Variants in NDST4 observed in about 807,000 individuals in gnomAD.
NDST4 encodes N-deacetylase and N-sulfotransferase 4, also known as N-heparan sulfate sulfotransferase 4.
A neutral mutation model predicts 100.8 loss-of-function variants in NDST4; 63 were observed. That is an observed-to-expected ratio of 0.62 (90% CI 0.51 to 0.77). The LOEUF is 0.77. NDST4 is among the 30% of genes least tolerant of loss of function. The probability of loss-of-function intolerance (pLI) is 0.00; values close to 1 mark genes in which losing one functional copy is unlikely to be tolerated. For synonymous variants in NDST4, 377 were observed against 361.8 expected, an observed-to-expected ratio of 1.04 and a Z score of -0.48; for missense variants, 943 against 1,018.4, an observed-to-expected ratio of 0.93 and a Z score of 1.01.
chr4:114,917,952 AAG>A (rs967529900), intron 6 of NDST4, among the ~76,000 whole-genome samples: 6 of 152,210 alleles, frequency 3.9e-5, no homozygotes, highest in Non-Finnish European at 7.3e-5. Context: ...TCAGAACAAA[AAG>A]AGATTTATTA....
At chr4:114,948,632 G>T (rs1217520952) in intron 4 of NDST4, among the ~76,000 whole-genome samples, 1 of 151,974 alleles carries the variant, frequency 6.6e-6, no homozygotes, top group Non-Finnish European at 1.5e-5. Context: ...CATCAATACA[G>T]TTCTCATCCC....
At chr4:114,941,186 G>C (rs114239532) in intron 4 of NDST4, among the ~76,000 whole-genome samples, 1 of 152,166 alleles carries the variant, frequency 6.6e-6, no homozygotes, top group Non-Finnish European at 1.5e-5. Context: ...AGGACTGGAT[G>C]CTGCTCTAAA....
intron 5 of NDST4, 134 bp downstream of exon 5, chr4:114,937,184 T>A (rs751357487): frequency 1.2e-5 from 11 of 907,090 alleles, no homozygotes; most frequent in Non-Finnish European, 1.7e-5. Flanking sequence ...CCAGTCACCA[T>A]TGAGATATGT....
At chr4:115,032,315 ATC>A (rs1483442629) in intron 2 of NDST4, among the ~76,000 whole-genome samples, 1 of 152,128 alleles carries the variant, frequency 6.6e-6, no homozygotes, top group Non-Finnish European at 1.5e-5. Flanking sequence ...TACTTTTATT[ATC>A]TCTCTTTTAA....
intron 6 of NDST4, among the ~76,000 whole-genome samples, chr4:114,874,422 C>T (rs1724215996): frequency 6.6e-6 from 1 of 152,128 alleles, no homozygotes; most frequent in Non-Finnish European, 1.5e-5. Context: ...CTGAGGCATG[C>T]TGCTGCATTT....
At chr4:115,043,254 G>A (rs1185906596) in intron 2 of NDST4, among the ~76,000 whole-genome samples, 3 of 152,006 alleles carry the variant, frequency 2.0e-5, no homozygotes. Flanking sequence ...ATTAGAATAT[G>A]TCTCAAGAGT....
chr4:114,997,818 G>A (rs1272200955), intron 2 of NDST4, among the ~76,000 whole-genome samples: 3 of 151,918 alleles, frequency 2.0e-5, no homozygotes, highest in Non-Finnish European at 2.9e-5. Flanking sequence ...TTATGTTAGC[G>A]ATGTTCTTTT....
At chr4:115,069,206 T>C (rs1018103344) in intron 2 of NDST4, among the ~76,000 whole-genome samples, 7 of 152,284 alleles carry the variant, frequency 4.6e-5, no homozygotes, top group African/African-American at 1.7e-4. Context: ...TAGGTCATGG[T>C]AGACATGAGA....
At chr4:114,887,542 T>A (rs557871538) in intron 6 of NDST4, among the ~76,000 whole-genome samples, 1 of 152,300 alleles carries the variant, frequency 6.6e-6, no homozygotes, top group East Asian at 1.9e-4. Flanking sequence ...CAGAAGAGGC[T>A]ATGTGATTAA....
intron 2 of NDST4, among the ~76,000 whole-genome samples, chr4:115,056,744 G>T (rs1173108124): frequency 6.6e-6 from 1 of 152,098 alleles, no homozygotes; most frequent in African/African-American, 2.4e-5. Flanking sequence ...GATTTAAGCA[G>T]TTTATAGACT....
rs1285038537 is a variant in NDST4, at chr4:114,879,185, ATCT to A, written c.1537-8238_1537-8236del. Among the ~76,000 whole-genome samples the A allele has an allele frequency of 2.0e-5, 3 of 152,292 alleles. No homozygotes were observed. In the East Asian group the frequency reaches 5.8e-4, roughly 29 times the overall value. The stretch of plus-strand genomic sequence containing the variant: ...TTTCTTTGTGATGAGTACATTTAAA[ATCT>A]TCTTTTAGCTACTTTGAAATATACA... On this transcript the variant is annotated intron_variant, in intron 6 of 13. Coordinates refer to ENST00000264363, the MANE Select transcript of NDST4 (RefSeq NM_022569.3).
At chr4:114,917,983 C>CA (rs1725209678) in intron 6 of NDST4, among the ~76,000 whole-genome samples, 1 of 152,068 alleles carries the variant, frequency 6.6e-6, no homozygotes, top group South Asian at 2.1e-4. Flanking sequence ...ATAATCATGT[C>CA]AATACTTGAG....
rs540406538 is a variant in NDST4, at chr4:114,911,244, TC to T, written c.1536+23961del. Reference sequence around the variant, plus strand: ...TTTTATTTCCAACCACTTCTTTTGCTCAGTGTGCCTCAGCCAACCAGACCTC... The same window carrying T: ...TTTTATTTCCAACCACTTCTTTTGCTAGTGTGCCTCAGCCAACCAGACCTC... On this transcript the variant is annotated intron_variant, in intron 6 of 13. Coordinates refer to ENST00000264363, the MANE Select transcript of NDST4 (RefSeq NM_022569.3). Among the ~76,000 whole-genome samples the T allele has an allele frequency of 7.0e-4, 106 of 152,308 alleles. 1 individual carries two copies. The highest frequency in any genetic ancestry group is 2.9e-3 in the South Asian group (14 of 4,822).
At chr4:114,953,207 T>C (rs1578410560) in intron 4 of NDST4, among the ~76,000 whole-genome samples, 2 of 152,130 alleles carry the variant, frequency 1.3e-5, no homozygotes, top group South Asian at 4.1e-4. Flanking sequence ...ATTTGTAAAA[T>C]TGAGACCTTT....
At chr4:115,066,291 T>G (rs1196049678) in intron 2 of NDST4, among the ~76,000 whole-genome samples, 2 of 152,326 alleles carry the variant, frequency 1.3e-5, no homozygotes, top group East Asian at 3.9e-4. Context: ...TTTTGGCAAT[T>G]TTTTAAGTGG....
chr4:114,990,525 T>G (rs1298271639), intron 2 of NDST4, among the ~76,000 whole-genome samples: 1 of 152,076 alleles, frequency 6.6e-6, no homozygotes, highest in East Asian at 1.9e-4. Flanking sequence ...TGCAAATATC[T>G]CTTATCTTGG....
chr4:114,887,189 G>A (rs1206287821), intron 6 of NDST4, among the ~76,000 whole-genome samples: 3 of 152,154 alleles, frequency 2.0e-5, no homozygotes, highest in Non-Finnish European at 2.9e-5. Context: ...AGAGAAATTA[G>A]ATTATTTATA....
At chr4:115,024,306 C>A (rs1384043629) in intron 2 of NDST4, among the ~76,000 whole-genome samples, 1 of 152,120 alleles carries the variant, frequency 6.6e-6, no homozygotes, top group Non-Finnish European at 1.5e-5. Flanking sequence ...GGGAAAGCTG[C>A]AGACAGGAAA....
intron 2 of NDST4, among the ~76,000 whole-genome samples, chr4:115,047,519 T>C (rs978028495): frequency 6.6e-6 from 1 of 152,144 alleles, no homozygotes; most frequent in African/African-American, 2.4e-5. Context: ...CAAAAGGTAA[T>C]TAAATTACAT....
Sources: allele counts gnomAD v4.1 joint callset (sites outside exome capture counted in the v4.1 genomes callset), GRCh38; gene constraint gnomAD v4.1.1; transcripts MANE v1.5; gene names NCBI Gene and HGNC (gene_info 2026-07-23, HGNC 2026-07-21).